The following DAPK2 variants were observed in gnomAD, a reference collection of about 807,000 sequenced individuals.
DAPK2 encodes the protein death associated protein kinase 2, also known as death-associated protein kinase 2.
Under a neutral mutation model 44.1 loss-of-function variants are expected in DAPK2, and 35 were observed. That is an observed-to-expected ratio of 0.79 (90% CI 0.61 to 1.05). The LOEUF is 1.05. Among genes scored for constraint, DAPK2 ranks in the 50% least tolerant of loss-of-function variants. DAPK2 has a pLI of 0.00. For missense variants in DAPK2, 453 were observed against 483.2 expected, an observed-to-expected ratio of 0.94 and a Z score of 0.59; for synonymous variants, 174 against 182.6, an observed-to-expected ratio of 0.95 and a Z score of 0.38.
chr15:63,960,164 G>C (rs1486477076), intron 3 of DAPK2, among the ~76,000 whole-genome samples: 1 of 152,172 alleles, frequency 6.6e-6, no homozygotes, highest in Non-Finnish European at 1.5e-5. Flanking sequence ...AGTATTCTCT[G>C]ATGGTAGTTT....
intron 1 of DAPK2, among the ~76,000 whole-genome samples, chr15:63,986,419 T>G (rs1221903618): frequency 6.6e-6 from 1 of 152,072 alleles, no homozygotes; most frequent in African/African-American, 2.4e-5. Flanking sequence ...AACCAAGGAA[T>G]TGGTTTAATT....
chr15:64,025,605 A>C (rs1477112029), intron 1 of DAPK2, among the ~76,000 whole-genome samples: 1 of 152,254 alleles, frequency 6.6e-6, no homozygotes, highest in Non-Finnish European at 1.5e-5. Context: ...CTACTGGAGT[A>C]GATCAGGAGT....
chr15:63,926,023 A>C, exon 7 of DAPK2: 1 of 1,614,228 alleles, frequency 6.2e-7, no homozygotes, highest in Non-Finnish European at 8.5e-7. Context: ...TCAAAGTCGT[A>C]ACTCACTGCT....
At chr15:64,015,427 C>T (rs1349263508) in intron 1 of DAPK2, among the ~76,000 whole-genome samples, 1 of 152,196 alleles carries the variant, frequency 6.6e-6, no homozygotes, top group Non-Finnish European at 1.5e-5. Context: ...CAGCTGCTGT[C>T]AGCTCAGTGC....
chr15:63,955,058 T>C lies in DAPK2; in HGVS notation c.454-15697A>G, dbSNP rs142717385. 4.3e-3 allele frequency among the ~76,000 whole-genome samples: 649 copies of C among 152,322 alleles called. 1 individual carries two copies. The highest frequency in any genetic ancestry group is 0.015 in the African/African-American group (625 of 41,566). ...CAGTTCTAACAATTTTTTGGTGGAG[T>C]CTTCAGGTTTTTCCAAATATGAGAT... On this transcript the variant is annotated intron_variant, in intron 3 of 10. Coordinates refer to ENST00000261891, the Ensembl canonical transcript of DAPK2.
chr15:63,975,887 C>T (rs1049116592), intron 2 of DAPK2, among the ~76,000 whole-genome samples: 4 of 152,226 alleles, frequency 2.6e-5, no homozygotes, highest in Admixed American at 6.5e-5. Flanking sequence ...AGCCATTGCG[C>T]TCGGCTCCAG....
Position 63,916,959 on chromosome 15 carries a change from G to A in DAPK2, c.859-4762C>T, listed in dbSNP as rs2078944038. ...GATTTGAACAAACCAGCTGTAATGG[G>A]ACACTGTTGGGAGTGGTGGGGACAT... On this transcript the variant is annotated intron_variant, in intron 8 of 10. Coordinates refer to ENST00000261891, the Ensembl canonical transcript of DAPK2. The surrounding 1 kb of genome is among the most constrained non-coding windows in gnomAD (Gnocchi z 4.7). 6.6e-6 allele frequency: 1 copy of A among 152,248 alleles called. No homozygotes were observed. The highest frequency in any genetic ancestry group is 2.4e-5 in the African/African-American group (1 of 41,432). 9.4% of individuals were successfully genotyped at this position (152,248 alleles called of 1,614,324 possible). A position where few individuals can be genotyped will look rare whatever the true frequency, so the allele number is the denominator to read the frequency against.
At chr15:63,955,600 A>G (rs1258467839) in intron 3 of DAPK2, among the ~76,000 whole-genome samples, 1 of 151,958 alleles carries the variant, frequency 6.6e-6, no homozygotes, top group Non-Finnish European at 1.5e-5. Context: ...ACAGGGTCTC[A>G]CTCTGTCACC....
At chr15:64,043,108 G>A (rs1028238234), upstream of DAPK2, among the ~76,000 whole-genome samples, 1 of 152,152 alleles carries the variant, frequency 6.6e-6, no homozygotes, top group South Asian at 2.1e-4. Context: ...GATAACTTTT[G>A]AGTTTCACAT....
intron 3 of DAPK2, among the ~76,000 whole-genome samples, chr15:63,960,033 C>A (rs1187804263): frequency 6.6e-6 from 1 of 152,116 alleles, no homozygotes; most frequent in Non-Finnish European, 1.5e-5. Context: ...AATTTCAGAG[C>A]CTGTTATTGG....
intron 1 of DAPK2, among the ~76,000 whole-genome samples, chr15:64,018,021 T>C (rs2079578256): frequency 1.3e-5 from 2 of 152,254 alleles, no homozygotes; most frequent in Admixed American, 1.3e-4. Flanking sequence ...TGGGTACTGC[T>C]GGGCTTCAAT....
chr15:63,981,588 GA>G (rs1177298580), intron 2 of DAPK2, among the ~76,000 whole-genome samples: 2 of 151,034 alleles, frequency 1.3e-5, no homozygotes. Flanking sequence ...AGGAACCACA[GA>G]AAAACATAAA....
intron 1 of DAPK2, among the ~76,000 whole-genome samples, chr15:64,028,553 C>T (rs2079919365): frequency 1.3e-5 from 2 of 152,074 alleles, no homozygotes; most frequent in African/African-American, 4.8e-5. Flanking sequence ...AAAATTAGAG[C>T]AAGAGTGATA....
At chr15:63,971,891 C>G (rs934216521) in intron 2 of DAPK2, among the ~76,000 whole-genome samples, 1 of 152,228 alleles carries the variant, frequency 6.6e-6, no homozygotes, top group African/African-American at 2.4e-5. Flanking sequence ...GGGACAAAAA[C>G]AAGCAGATTA....
At chr15:63,920,106 G>C (rs536917466) in intron 8 of DAPK2, 2 of 152,238 alleles carry the variant, frequency 1.3e-5, no homozygotes, top group African/African-American at 4.8e-5. Flanking sequence ...CCCAGATGAT[G>C]GTATCATATT....
intron 3 of DAPK2, among the ~76,000 whole-genome samples, chr15:63,954,048 G>T (rs2140554203): frequency 6.6e-6 from 1 of 152,092 alleles, no homozygotes; most frequent in African/African-American, 2.4e-5. Flanking sequence ...TATATATTCT[G>T]GTTATTAATC....
At chr15:63,993,023 G>T (rs2078859295) in intron 1 of DAPK2, among the ~76,000 whole-genome samples, 1 of 152,182 alleles carries the variant, frequency 6.6e-6, no homozygotes, top group South Asian at 2.1e-4. Flanking sequence ...TACTGTGGGG[G>T]TACAGGATTA....
At chr15:64,034,011 A>T (rs1310523042) in intron 1 of DAPK2, among the ~76,000 whole-genome samples, 1 of 152,000 alleles carries the variant, frequency 6.6e-6, no homozygotes, top group East Asian at 1.9e-4. Flanking sequence ...TTTACTTTAT[A>T]CTCTTCATAA....
chr15:64,046,122 T>G lies in DAPK2; in HGVS notation c.-7+176A>C, dbSNP rs2080455593. On this transcript the variant is annotated intron_variant, in intron 1 of 11. Coordinates refer to the DAPK2 transcript ENST00000457488. The surrounding 1 kb of genome is among the most constrained non-coding windows in gnomAD (Gnocchi z 5.3). Reference sequence around the variant, plus strand: ...GGGCAGCGGCGGGCAGCTCCCGCGCTCGGGTGCCGGCCACAATGCCCCGGG... The same window carrying G: ...GGGCAGCGGCGGGCAGCTCCCGCGCGCGGGTGCCGGCCACAATGCCCCGGG... Among the ~76,000 whole-genome samples the G allele has an allele frequency of 6.6e-6, 1 of 151,662 alleles. No individual in the cohort carries two copies. Among genetic ancestry groups the G allele is most frequent in the South Asian group, 2.1e-4 (1 of 4,816 alleles).
Sources: gnomAD v4.1 joint callset for allele counts (sites outside exome capture counted in the v4.1 genomes callset) on GRCh38, gnomAD v4.1.1 for gene constraint, Gnocchi (gnomAD v3.1) non-coding constraint, MANE v1.5 for transcripts, NCBI Gene and HGNC (gene_info 2026-07-23, HGNC 2026-07-21) for gene names.